Variants in ATXN2 observed in about 807,000 individuals in gnomAD.
The protein encoded by ATXN2 is ataxin 2.
ATXN2 carries 37 observed loss-of-function variants against 138.6 expected under a neutral mutation model. That is an observed-to-expected ratio of 0.27 (90% CI 0.21 to 0.35). The LOEUF (loss-of-function observed/expected upper bound fraction) is 0.35, where lower values mean the gene tolerates loss of function less well. Among genes scored for constraint, ATXN2 ranks in the 10% least tolerant of loss-of-function variants. ATXN2 has a pLI of 1.00. For synonymous variants in ATXN2, 549 were observed against 543.7 expected, an observed-to-expected ratio of 1.01 and a Z score of -0.13; for missense variants, 1,216 against 1,480.3, an observed-to-expected ratio of 0.82 and a Z score of 2.93.
intron 1 of ATXN2, chr12:111,564,835 T>C (rs1228902994): frequency 6.6e-6 from 1 of 152,226 alleles, no homozygotes; most frequent in Non-Finnish European, 1.5e-5. Flanking sequence ...GCATTTCTGG[T>C]AAAGACTGGA....
chr12:111,581,814 C>T (rs139227377), intron 1 of ATXN2: 25 of 453,554 alleles, frequency 5.5e-5, no homozygotes, highest in Non-Finnish European at 7.9e-5. Flanking sequence ...GAGCTCTGCC[C>T]GTGATCTGAT....
chr12:111,552,621 T>G lies in ATXN2; in HGVS notation c.421-191A>C, dbSNP rs1400711587. 6 of 654,308 alleles carry G rather than the reference T, an allele frequency of 9.2e-6. No individual in the cohort carries two copies. The South Asian group carries it at 1.6e-4, about 17-fold the overall frequency. 40.5% of individuals were successfully genotyped at this position (654,308 alleles called of 1,614,324 possible). A position where few individuals can be genotyped will look rare whatever the true frequency, so the allele number is the denominator to read the frequency against. On this transcript the variant is annotated intron_variant, in intron 4 of 24. Transcript: ENST00000673436. The surrounding 1 kb of genome is among the most constrained non-coding windows in gnomAD (Gnocchi z 4.1). ...TTTAAAAATCCTCATATCTAAATGT[T>G]TTTTGTTTCTATGGTTTGTCTTAAG...
chr12:111,456,199 C>T lies in ATXN2; in HGVS notation c.3100G>A (p.Ala1034Thr), dbSNP rs1311653687. The part of the protein sequence containing the change: ...LHLASPQQQS[A>T]IYHAGLAPTP... Reference sequence around the variant, plus strand: ...GGCGCAAGCCCCGCGTGGTAAATGGCTGACTGCTGCTGTGGACTGGCCAGA... The same window carrying T: ...GGCGCAAGCCCCGCGTGGTAAATGGTTGACTGCTGCTGTGGACTGGCCAGA... The change falls in exon 23 of 25, where the codon GCC (alanine) becomes ACC (threonine). Residue 1034 changes from alanine to threonine, a missense_variant. Transcript: ENST00000673436. 6.2e-7 allele frequency: 1 copy of T among 1,614,244 alleles called. No homozygotes were observed. The highest frequency in any genetic ancestry group is 1.1e-5 in the South Asian group (1 of 91,092).
intron 1 of ATXN2, among the ~76,000 whole-genome samples, chr12:111,586,184 T>C (rs957536182): frequency 6.6e-6 from 1 of 151,058 alleles, no homozygotes; most frequent in Middle Eastern, 3.3e-3. Flanking sequence ...GGATTACAGG[T>C]GTGAGCCACC....
intron 20 of ATXN2, 134 bp downstream of exon 20, chr12:111,469,974 G>A (rs766768316): frequency 1.4e-5 from 15 of 1,071,222 alleles, no homozygotes; most frequent in South Asian, 4.4e-5. Flanking sequence ...AAAGAAATGG[G>A]TTCATCTTTT....
chr12:111,496,260 G>A (rs140654212), intron 14 of ATXN2, among the ~76,000 whole-genome samples: 181 of 152,046 alleles, frequency 1.2e-3, no homozygotes, highest in African/African-American at 4.0e-3. Context: ...GGCCGGGCAC[G>A]GTGGCTCATG....
rs1592861888 is a variant in ATXN2 at position 111,525,229 on chromosome 12, G to T, written c.659C>A (p.Thr220Lys). The change falls in exon 6 of 25, where the codon ACA becomes AAA. Residue 220 changes from threonine (T) to lysine (K), a missense_variant. Thr to Lys is a moderately conservative substitution (Grantham distance 78, BLOSUM62 -1). Coordinates refer to ENST00000673436, the MANE Select transcript of ATXN2 (RefSeq NM_001372574.1). ...CAAAGCCTCAAGTTCCTCATTGGCT[G>T]TGAGTTCACCTGCATCCCAGGGCTC... is the stretch of plus-strand genomic sequence containing the variant. ...DLEPWDAGELTANEELEALEN... is the reference protein window; with the variant it reads ...DLEPWDAGELKANEELEALEN... The T allele has an allele frequency of 6.2e-7, 1 of 1,613,562 alleles. No homozygotes were observed. The highest frequency in any genetic ancestry group is 1.3e-5 in the African/African-American group (1 of 75,018).
At chr12:111,460,129 T>C (rs1420104102) in intron 21 of ATXN2, among the ~76,000 whole-genome samples, 1 of 152,240 alleles carries the variant, frequency 6.6e-6, no homozygotes, top group Non-Finnish European at 1.5e-5. Context: ...TTGCCCAGGG[T>C]GGAGTGCAGT....
rs1226705199 is a variant in ATXN2, at chr12:111,455,696, T to C, written c.3270+333A>G. 1.0e-5 allele frequency: 4 copies of C among 398,816 alleles called. No individual in the cohort carries two copies. In the East Asian group the frequency reaches 2.2e-4, roughly 22 times the overall value. The allele number at this position is 398,816 out of a possible 1,614,324, so 24.7% of individuals were successfully genotyped here. A position where few individuals can be genotyped will look rare whatever the true frequency, so the allele number is the denominator to read the frequency against. ...CAAGGTAAGTGTGTAGGGGAATATA[T>C]ATGTACACATATATATAGTAGTGAG... On this transcript the variant is annotated intron_variant, in intron 23 of 24. Transcript: ENST00000673436.
In ATXN2 at chr12:111,453,082, G is replaced by A; in HGVS notation, c.3440-242C>T. 1.6e-6 allele frequency: 2 copies of A among 1,281,046 alleles called. No individual in the cohort carries two copies. The highest frequency in any genetic ancestry group is 2.0e-6 in the Non-Finnish European group (2 of 1,015,722). 79.4% of individuals were successfully genotyped at this position (1,281,046 alleles called of 1,614,324 possible). A position where few individuals can be genotyped will look rare whatever the true frequency, so the allele number is the denominator to read the frequency against. ...TCCCAGAAGACTTGTTCATGGGGTAGAAAAAAAGGCCTTAACAAACCCCCT... is the reference window on the plus strand; with the variant it reads ...TCCCAGAAGACTTGTTCATGGGGTAAAAAAAAAGGCCTTAACAAACCCCCT... On this transcript the variant is annotated intron_variant, in intron 24 of 24. Transcript: ENST00000673436. This position sits in a 1 kb window ranked among gnomAD's most constrained non-coding sequence, Gnocchi z 5.4.
At chr12:111,504,744 A>C (rs2135721349) in intron 14 of ATXN2, among the ~76,000 whole-genome samples, 1 of 152,220 alleles carries the variant, frequency 6.6e-6, no homozygotes, top group Middle Eastern at 3.4e-3. Context: ...TTTGAACCCC[A>C]CCTTATGCTA....
At chr12:111,504,339 C>G (rs1466492075) in intron 14 of ATXN2, among the ~76,000 whole-genome samples, 1 of 152,148 alleles carries the variant, frequency 6.6e-6, no homozygotes, top group East Asian at 1.9e-4. Flanking sequence ...GTCGCCCACA[C>G]TGGAGTGCAT....
rs1482902648 is a variant in ATXN2, at chr12:111,510,438, G to A, written c.1703C>T (p.Ser568Phe). The A allele has an allele frequency of 2.5e-6, 4 of 1,614,160 alleles. No individual in the cohort carries two copies. The highest frequency in any genetic ancestry group is 1.3e-5 in the African/African-American group (1 of 75,026). ...CGATGCAGGACTAGCAGGCGTAGGA[G>A]ATGCAGCTGGAATAGGCATGGCAAC... Reference protein sequence around the residue: ...EAVAMPIPAASPTPASPASNR... With the variant: ...EAVAMPIPAAFPTPASPASNR... Residue 568 changes from serine (S) to phenylalanine (F), a missense_variant, in exon 12 of 25, where the codon TCT (serine) becomes TTT (phenylalanine). Transcript: ENST00000673436.
intron 1 of ATXN2, among the ~76,000 whole-genome samples, chr12:111,580,810 G>GA (rs1883956112): frequency 6.6e-6 from 1 of 151,460 alleles, no homozygotes; most frequent in Non-Finnish European, 1.5e-5. Flanking sequence ...GCGGGGAGGG[G>GA]AAAAAAGGAG....
chr12:111,580,648 G>A (rs1052069868), intron 1 of ATXN2, among the ~76,000 whole-genome samples: 1 of 142,474 alleles, frequency 7.0e-6, no homozygotes, highest in Non-Finnish European at 1.5e-5. Context: ...AGGAACAAAA[G>A]GGGAGGGGGA....
chr12:111,520,943 G>T lies in ATXN2; in HGVS notation c.727C>A (p.Arg243=). 1 of 1,595,770 alleles carries T rather than the reference G, an allele frequency of 6.3e-7. No individual in the cohort carries two copies. ...ACACCATAATTTTCTTCATTATATCGAAACATATCATTGGGATCCCATCCA... is the reference window on the plus strand; with the variant it reads ...ACACCATAATTTTCTTCATTATATCTAAACATATCATTGGGATCCCATCCA... ...SNGWDPNDMF[R]YNEENYGVVS... The change falls in exon 7 of 25, where the codon CGA becomes AGA. Residue 243 remains arginine, a synonymous_variant. Coordinates refer to ENST00000673436, the MANE Select transcript of ATXN2 (RefSeq NM_001372574.1).
At chr12:111,462,164 T>C (rs1405237453) in intron 21 of ATXN2, among the ~76,000 whole-genome samples, 1 of 152,258 alleles carries the variant, frequency 6.6e-6, no homozygotes, top group Non-Finnish European at 1.5e-5. Context: ...ACTTTAGTCT[T>C]CATAAAATCT....
At chr12:111,597,974 C>T in intron 1 of ATXN2, 1 of 1,219,860 alleles carries the variant, frequency 8.2e-7, no homozygotes, top group South Asian at 1.4e-5. Context: ...GATCGGCCAC[C>T]ACCCGCGCGC....
chr12:111,529,164 A>C (rs1405666113), intron 5 of ATXN2, among the ~76,000 whole-genome samples: 1 of 152,140 alleles, frequency 6.6e-6, no homozygotes, highest in Non-Finnish European at 1.5e-5. Flanking sequence ...AGTAAATAGT[A>C]CAATGTTGTA....
Sources: gnomAD v4.1 joint callset for allele counts (sites outside exome capture counted in the v4.1 genomes callset) on GRCh38, gnomAD v4.1.1 for gene constraint, Gnocchi (gnomAD v3.1) non-coding constraint, MANE v1.5 for transcripts, NCBI Gene and HGNC (gene_info 2026-07-23, HGNC 2026-07-21) for gene names.